ZDHHC7: variants seen among roughly 807,000 people sequenced by gnomAD.
ZDHHC7 encodes palmitoyltransferase ZDHHC7.
A neutral mutation model predicts 34.1 loss-of-function variants in ZDHHC7; 12 were observed. That is an observed-to-expected ratio of 0.35 (90% CI 0.23 to 0.57). The LOEUF (loss-of-function observed/expected upper bound fraction) is 0.57. Among genes scored for constraint, ZDHHC7 ranks in the 20% least tolerant of loss-of-function variants. The pLI is 0.84. For synonymous variants in ZDHHC7, 185 were observed against 155.4 expected, an observed-to-expected ratio of 1.19 and a Z score of -1.42; for missense variants, 388 against 402.7, an observed-to-expected ratio of 0.96 and a Z score of 0.31.
intron 4 of ZDHHC7, among the ~76,000 whole-genome samples, chr16:84,981,092 T>A (rs2143566702): frequency 6.6e-6 from 1 of 152,154 alleles, no homozygotes; most frequent in East Asian, 1.9e-4. Context: ...GTGTGACAAC[T>A]ATTTCAAGGA....
At chr16:84,993,404 G>A (rs574708018) in intron 2 of ZDHHC7, among the ~76,000 whole-genome samples, 18 of 152,290 alleles carry the variant, frequency 1.2e-4, no homozygotes, top group African/African-American at 3.6e-4. Context: ...GGCCAAGGTG[G>A]GAGGATCTCT....
intron 6 of ZDHHC7, 36 bp downstream of exon 6, chr16:84,977,888 G>T: frequency 1.3e-6 from 2 of 1,549,226 alleles, no homozygotes; most frequent in Non-Finnish European, 1.8e-6. Context: ...ATAACAGCAT[G>T]CAAAGCCAGG....
intron 5 of ZDHHC7, among the ~76,000 whole-genome samples, chr16:84,978,988 G>A (rs192343835): frequency 3.3e-5 from 5 of 152,150 alleles, no homozygotes; most frequent in Non-Finnish European, 5.9e-5. Flanking sequence ...AAATTACAGT[G>A]AACACCTAAA....
At chr16:85,019,304 CA>C in the ZDHHC7 span, among the ~76,000 whole-genome samples, 5 of 150,438 alleles carry the variant, frequency 3.3e-5, no homozygotes, top group East Asian at 9.9e-4. Flanking sequence ...TCACAAAAGG[CA>C]GGGGGTTTTG....
Position 84,990,339 on chromosome 16 carries a change from G to A in ZDHHC7, c.280C>T (p.Leu94=). ...AGCATGGTTCTCAGGTGGGATGACAGGGCAAGCACGGCCAAGCAGTTAAAG... is the reference window on the plus strand; with the variant it reads ...AGCATGGTTCTCAGGTGGGATGACAAGGCAAGCACGGCCAAGCAGTTAAAG... ...VIFNCLAVLA[L]SSHLRTMLTD... is the part of the protein sequence containing the mutation. Residue 94 remains leucine (L), a synonymous_variant, in exon 3 of 8, where the codon CTG becomes TTG. Transcript: ENST00000313732. The A allele has an allele frequency of 6.2e-7, 1 of 1,614,106 alleles. No homozygotes were observed. Among genetic ancestry groups the A allele is most frequent in the Non-Finnish European group, 8.5e-7 (1 of 1,180,018 alleles).
chr16:85,014,225 G>C (rs2072825142), upstream of ZDHHC7, among the ~76,000 whole-genome samples: 1 of 152,176 alleles, frequency 6.6e-6, no homozygotes, highest in African/African-American at 2.4e-5. Context: ...CAAAGTTTCA[G>C]GATGGCCACC....
chr16:85,004,364 G>C (rs1173340767), intron 1 of ZDHHC7, among the ~76,000 whole-genome samples: 2 of 151,934 alleles, frequency 1.3e-5, no homozygotes, highest in African/African-American at 4.8e-5. Context: ...GGAGTGCTTA[G>C]ATCACCTGCT....
rs1567491443 is a variant in ZDHHC7, at chr16:84,977,936, C to T, written c.607G>A (p.Gly203Arg). ...CCAGGGAACTTACCAGTCCACTGCC[C>T]TCGGACACAGGAGATGAACTGAAAT... Reference protein sequence around the residue: ...CGFQFISCVRGQWTECSDFSP... With the variant: ...CGFQFISCVRRQWTECSDFSP... The change falls in exon 6 of 8, where the codon GGG (glycine) becomes AGG (arginine). Residue 203 changes from glycine to arginine, a missense_variant. Transcript: ENST00000313732. 1.2e-6 allele frequency: 2 copies of T among 1,613,958 alleles called. No homozygotes were observed. The highest frequency in any genetic ancestry group is 1.7e-5 in the Admixed American group (1 of 60,016).
chr16:84,974,514 G>A lies in ZDHHC7; in HGVS notation c.*1829C>T, dbSNP rs1396724574. The A allele has an allele frequency of 6.6e-6, 1 of 152,514 alleles. No homozygotes were observed. Among genetic ancestry groups the A allele is most frequent in the East Asian group, 1.9e-4 (1 of 5,198 alleles). 9.4% of individuals were successfully genotyped at this position (152,514 alleles called of 1,614,324 possible). A position where few individuals can be genotyped will look rare whatever the true frequency, so the allele number is the denominator to read the frequency against. Reference sequence around the variant, plus strand: ...TCATATAAAAGTTACATTGAAAGAAGAGGTTGAAAAGTCAAGTATACTTGA... The same window carrying A: ...TCATATAAAAGTTACATTGAAAGAAAAGGTTGAAAAGTCAAGTATACTTGA... On this transcript the variant is annotated 3_prime_UTR_variant, in exon 8 of 8. Coordinates refer to ENST00000313732, the MANE Select transcript of ZDHHC7 (RefSeq NM_017740.3).
intron 1 of ZDHHC7, among the ~76,000 whole-genome samples, chr16:85,004,072 C>T (rs981469244): frequency 1.3e-5 from 2 of 152,074 alleles, no homozygotes; most frequent in South Asian, 4.1e-4. Flanking sequence ...GACGATGCAT[C>T]CCTAAGGGCG....
upstream of ZDHHC7, among the ~76,000 whole-genome samples, chr16:85,015,345 C>T (rs925481531): frequency 1.3e-5 from 2 of 152,074 alleles, no homozygotes; most frequent in African/African-American, 4.8e-5. Context: ...AGGCGATCCA[C>T]CCACCTCGTC....
chr16:84,986,696 A>C (rs1284766621), intron 3 of ZDHHC7, among the ~76,000 whole-genome samples: 2 of 152,084 alleles, frequency 1.3e-5, no homozygotes, highest in African/African-American at 4.8e-5. Context: ...CAAAGCACCA[A>C]TGACTTTCCT....
the ZDHHC7 span, among the ~76,000 whole-genome samples, chr16:85,020,143 G>A: frequency 1.4e-3 from 213 of 152,298 alleles, no homozygotes; most frequent in African/African-American, 4.9e-3. Context: ...CAGCCTCCTC[G>A]AGGGCTTGCC....
At chr16:84,987,404 G>T (rs2072450502) in intron 3 of ZDHHC7, among the ~76,000 whole-genome samples, 3 of 152,098 alleles carry the variant, frequency 2.0e-5, no homozygotes, top group South Asian at 2.1e-4. Context: ...CACACTGCAG[G>T]TGGGAATGTA....
the ZDHHC7 span, among the ~76,000 whole-genome samples, chr16:85,024,440 C>T: frequency 6.6e-6 from 1 of 152,062 alleles, no homozygotes; most frequent in Non-Finnish European, 1.5e-5. Context: ...ACCATGTTGG[C>T]CAGGCTGGTC....
At chr16:84,998,317 A>G (rs1042770934) in intron 1 of ZDHHC7, among the ~76,000 whole-genome samples, 22 of 151,438 alleles carry the variant, frequency 1.5e-4, no homozygotes, top group Non-Finnish European at 3.1e-4. Context: ...TCCAAACAAC[A>G]GAGGTTGAGC....
At chr16:85,013,849 G>GCCCA (rs2072823379), upstream of ZDHHC7, among the ~76,000 whole-genome samples, 1 of 151,760 alleles carries the variant, frequency 6.6e-6, no homozygotes, top group Non-Finnish European at 1.5e-5. Context: ...CATCACACCT[G>GCCCA]GCTAATTTTT....
chr16:84,984,583 T>C (rs1024034337), intron 3 of ZDHHC7, among the ~76,000 whole-genome samples: 2 of 152,348 alleles, frequency 1.3e-5, no homozygotes, highest in East Asian at 1.9e-4. Context: ...CCCCAGTTTT[T>C]GGTCACTTAT....
intron 1 of ZDHHC7, among the ~76,000 whole-genome samples, chr16:85,002,917 C>T (rs1030356096): frequency 2.6e-5 from 4 of 152,056 alleles, no homozygotes; most frequent in South Asian, 2.1e-4. Context: ...GGTGGAGAGG[C>T]GGCGGCCAAG....
Sources: allele counts gnomAD v4.1 joint callset (sites outside exome capture counted in the v4.1 genomes callset), GRCh38; gene constraint gnomAD v4.1.1; transcripts MANE v1.5; gene names NCBI Gene and HGNC (gene_info 2026-07-23, HGNC 2026-07-21).